ZHX3: variants seen among roughly 807,000 people sequenced by gnomAD.
The protein encoded by ZHX3 is zinc fingers and homeoboxes 3.
ZHX3 carries 20 observed loss-of-function variants against 64.5 expected under a neutral mutation model. That is an observed-to-expected ratio of 0.31 (90% CI 0.22 to 0.45). ZHX3 has a LOEUF of 0.45. ZHX3 is among the 20% of genes least tolerant of loss of function. The pLI, the probability that ZHX3 is intolerant of heterozygous loss-of-function variation, is 1.00. For synonymous variants in ZHX3, 423 were observed against 461.6 expected, an observed-to-expected ratio of 0.92 and a Z score of 1.07; for missense variants, 1,041 against 1,195.8, an observed-to-expected ratio of 0.87 and a Z score of 1.91.
At chr20:41,193,443 C>A (rs182601276) in intron 3 of ZHX3, among the ~76,000 whole-genome samples, 4 of 151,904 alleles carry the variant, frequency 2.6e-5, no homozygotes, top group African/African-American at 4.8e-5. Flanking sequence ...TTAAAATTTT[C>A]TTTTCAGATT....
chr20:41,297,051 T>G (rs1423802696), intron 1 of ZHX3, among the ~76,000 whole-genome samples: 1 of 152,234 alleles, frequency 6.6e-6, no homozygotes, highest in East Asian at 1.9e-4. Context: ...TAAACTCTCT[T>G]GGAATTATCC....
intron 1 of ZHX3, among the ~76,000 whole-genome samples, chr20:41,310,742 C>G (rs1600680175): frequency 6.8e-6 from 1 of 148,114 alleles, no homozygotes; most frequent in South Asian, 2.1e-4. Context: ...CAAATCCAAA[C>G]ATACGTTGTC....
rs2036337098 is a variant in ZHX3, at chr20:41,183,999, C to T, written c.*1192G>A. On this transcript the variant is annotated 3_prime_UTR_variant, in exon 4 of 4. Coordinates refer to ENST00000683867, the MANE Select transcript of ZHX3 (RefSeq NM_001384317.1). The surrounding 1 kb of genome is among the most constrained non-coding windows in gnomAD (Gnocchi z 5.3). ...CACAAGGACCAGTGATGCCCAGCAC[C>T]CTTGGGCATGCATCCAGCACACCGG... The T allele has an allele frequency of 6.6e-6, 1 of 152,168 alleles. No individual in the cohort carries two copies. The highest frequency in any genetic ancestry group is 2.4e-5 in the African/African-American group (1 of 41,410). 9.4% of individuals were successfully genotyped at this position (152,168 alleles called of 1,614,324 possible). A position where few individuals can be genotyped will look rare whatever the true frequency, so the allele number is the denominator to read the frequency against.
At position 41,203,436 on chromosome 20, in the gene ZHX3, G is replaced by A. The variant is rs770772886; in HGVS notation, c.1481C>T (p.Ala494Val). ...AGATTTCTTATTTTTGTAGATGCTA[G>A]CATCAAGGAAGGCTTGGGAGGTTAT... ...PSITSQAFLD[A>V]SIYKNKKSHE... The change falls in exon 3 of 4, where the codon GCT (alanine) becomes GTT (valine). Residue 494 changes from alanine to valine, a missense_variant. Ala to Val is a moderately conservative substitution (Grantham distance 64). Transcript: ENST00000683867. This position sits in a 1 kb window ranked among gnomAD's most constrained non-coding sequence, Gnocchi z 7.1. 2.5e-6 allele frequency: 4 copies of A among 1,614,190 alleles called. No homozygotes were observed. In the South Asian group the frequency reaches 4.4e-5, roughly 18 times the overall value.
In ZHX3 at chr20:41,219,413, T is replaced by C. The variant is rs1475007612; in HGVS notation, c.-150-14347A>G. ...ATCATATATTCTAACCACTCACCTT[T>C]GCATGAATTTTACCTTAAGTACCAC... On this transcript the variant is annotated intron_variant, in intron 2 of 3. Transcript: ENST00000683867. This position sits in a 1 kb window ranked among gnomAD's most constrained non-coding sequence, Gnocchi z 5.0. Among the ~76,000 whole-genome samples, 1 of 152,228 alleles carries C rather than the reference T, an allele frequency of 6.6e-6. No individual in the cohort carries two copies. The highest frequency in any genetic ancestry group is 2.4e-5 in the African/African-American group (1 of 41,462).
intron 1 of ZHX3, among the ~76,000 whole-genome samples, chr20:41,287,258 C>T (rs947786691): frequency 5.3e-5 from 8 of 152,208 alleles, no homozygotes; most frequent in African/African-American, 1.2e-4. Context: ...CCCCTGACTA[C>T]ACCACCCCAA....
At chr20:41,287,940 T>C (rs1015795123) in intron 1 of ZHX3, among the ~76,000 whole-genome samples, 21 of 152,362 alleles carry the variant, frequency 1.4e-4, no homozygotes, top group African/African-American at 5.1e-4. Context: ...TCATGGGATG[T>C]ATTAAGAAAG....
intron 2 of ZHX3, among the ~76,000 whole-genome samples, chr20:41,268,349 T>G (rs1405563636): frequency 1.6e-5 from 2 of 123,528 alleles, no homozygotes; most frequent in East Asian, 8.3e-4. Flanking sequence ...AAATGAAGGC[T>G]CTATTTACAA....
chr20:41,190,496 G>T (rs765427152), intron 3 of ZHX3, among the ~76,000 whole-genome samples: 1 of 152,056 alleles, frequency 6.6e-6, no homozygotes, highest in Non-Finnish European at 1.5e-5. Context: ...GTGAGGTTTT[G>T]TTATTGTTAT....
chr20:41,317,093 G>C (rs1192818863), intron 1 of ZHX3: 1 of 152,526 alleles, frequency 6.6e-6, no homozygotes, highest in East Asian at 1.9e-4. Context: ...TGCACACGCG[G>C]AACGCACACT....
chr20:41,229,901 T>C (rs1371106507), intron 2 of ZHX3, among the ~76,000 whole-genome samples: 1 of 152,200 alleles, frequency 6.6e-6, no homozygotes, highest in African/African-American at 2.4e-5. Context: ...TTTGTTTAGG[T>C]CTTCGATTCA....
chr20:41,309,742 C>T (rs142945319), intron 1 of ZHX3, among the ~76,000 whole-genome samples: 1 of 152,266 alleles, frequency 6.6e-6, no homozygotes, highest in African/African-American at 2.4e-5. Flanking sequence ...GCTGAAGATT[C>T]GGCCCACTTT....
At position 41,204,739 on chromosome 20, in the gene ZHX3, C is replaced by T. The variant is rs372075888; in HGVS notation, c.178G>A (p.Asp60Asn). 2.5e-6 allele frequency: 4 copies of T among 1,614,046 alleles called. No homozygotes were observed. The highest frequency in any genetic ancestry group is 2.7e-5 in the African/African-American group (2 of 74,906). ...SEAAQNPSST[D>N]GSTLANGHRS... Reference sequence around the variant, plus strand: ...TGCCCATTGGCCAGTGTAGAGCCATCAGTACTGCTGGGGTTCTGTGCTGCC... The same window carrying T: ...TGCCCATTGGCCAGTGTAGAGCCATTAGTACTGCTGGGGTTCTGTGCTGCC... The change falls in exon 3 of 4, where the codon GAT (aspartate) becomes AAT (asparagine). Residue 60 changes from aspartate to asparagine, a missense_variant. Transcript: ENST00000683867. This position sits in a 1 kb window ranked among gnomAD's most constrained non-coding sequence, Gnocchi z 6.6.
intron 2 of ZHX3, among the ~76,000 whole-genome samples, chr20:41,217,578 A>G (rs1242109016): frequency 6.6e-6 from 1 of 152,116 alleles, no homozygotes; most frequent in Non-Finnish European, 1.5e-5. Flanking sequence ...CACCCACCCT[A>G]CTGCTGCCCA....
rs746960086 is a variant in ZHX3 at position 41,195,148 on chromosome 20, T to G, written c.2860+6909A>C. Among the ~76,000 whole-genome samples, 8 of 152,238 alleles carry G rather than the reference T, an allele frequency of 5.3e-5. No homozygotes were observed. Among genetic ancestry groups the G allele is most frequent in the Non-Finnish European group, 1.0e-4 (7 of 68,042 alleles). On this transcript the variant is annotated intron_variant, in intron 3 of 3. Coordinates refer to ENST00000683867, the MANE Select transcript of ZHX3 (RefSeq NM_001384317.1). The surrounding 1 kb of genome is among the most constrained non-coding windows in gnomAD (Gnocchi z 4.2). ...AAAAGTTTTTTTAAGACATGGGGTC[T>G]TACGCTGTCACCCAGGCTGGAATGC...
chr20:41,250,263 T>C (rs2041925801), intron 2 of ZHX3, among the ~76,000 whole-genome samples: 1 of 152,204 alleles, frequency 6.6e-6, no homozygotes, highest in South Asian at 2.1e-4. Context: ...TAAATCATCG[T>C]TGGAACCACA....
chr20:41,266,081 T>C (rs532503703), intron 2 of ZHX3, among the ~76,000 whole-genome samples: 1 of 152,360 alleles, frequency 6.6e-6, no homozygotes, highest in South Asian at 2.1e-4. Flanking sequence ...ATTACCTGCA[T>C]ACCTGTATGA....
chr20:41,251,956 T>C (rs181670370), intron 2 of ZHX3, among the ~76,000 whole-genome samples: 1 of 152,350 alleles, frequency 6.6e-6, no homozygotes, highest in Admixed American at 6.5e-5. Context: ...TATTCTTTCC[T>C]ATGTTTTTCA....
At chr20:41,270,907 C>G (rs2043112850) in intron 1 of ZHX3, among the ~76,000 whole-genome samples, 1 of 152,148 alleles carries the variant, frequency 6.6e-6, no homozygotes, top group Non-Finnish European at 1.5e-5. Context: ...TAAACCTCAT[C>G]TTTGCTTATT....
Sources: allele counts gnomAD v4.1 joint callset (sites outside exome capture counted in the v4.1 genomes callset), GRCh38; gene constraint gnomAD v4.1.1; non-coding constraint Gnocchi (gnomAD v3.1); transcripts MANE v1.5; gene names NCBI Gene and HGNC (gene_info 2026-07-23, HGNC 2026-07-21).